The following SLC23A3 variants were observed in gnomAD, a reference collection of about 807,000 sequenced individuals.
SLC23A3 encodes solute carrier family 23 member 3.
SLC23A3 carries 41 observed loss-of-function variants against 64.7 expected under a neutral mutation model. The observed-to-expected ratio is 0.63, with a 90% CI of 0.49 to 0.82. The LOEUF (loss-of-function observed/expected upper bound fraction) is 0.82. SLC23A3 is among the 40% of genes least tolerant of loss of function. The pLI is 0.00. For missense variants in SLC23A3, 647 were observed against 733.4 expected (o/e 0.88, Z 1.36); for synonymous variants, 281 against 306.8 (o/e 0.92, Z 0.88).
chr2:219,165,470 T>C, intron 7 of SLC23A3, 48 bp from the exon 8 acceptor site: 1 of 1,521,652 alleles, frequency 6.6e-7, no homozygotes, highest in Non-Finnish European at 8.8e-7. Context: ...AAGTCAGGAG[T>C]ACCCCCTGCC....
chr2:219,168,996 C>T, intron 4 of SLC23A3, 33 bp downstream of exon 4: 11 of 1,602,684 alleles, frequency 6.9e-6, no homozygotes, highest in Non-Finnish European at 9.4e-6. Context: ...AGCCTGGCAC[C>T]ACCCTTATCC....
chr2:219,163,362 A>G (rs1369252419), intron 10 of SLC23A3, 26 bp downstream of exon 10: 5 of 1,608,120 alleles, frequency 3.1e-6, no homozygotes, highest in Non-Finnish European at 2.6e-6. Flanking sequence ...CCTGCTACTG[A>G]GCAACGCCTC....
chr2:219,165,104 A>G, intron 8 of SLC23A3, 65 bp downstream of exon 8: 1 of 1,524,276 alleles, frequency 6.6e-7, no homozygotes, highest in African/African-American at 1.4e-5. Flanking sequence ...AATCGGTGTA[A>G]GTTCCTGTCC....
At position 219,162,362 on chromosome 2, in the gene SLC23A3, G is replaced by A. The variant is rs1949955248; in HGVS notation, c.1474C>T (p.Leu492=). ...GCCAGGAAGATGGGCTGTGTCAGCA[G>A]TGAGTGCAGTAATACATCCAAGGGG... ...WSPLDVLLHS[L]LTQPIFLAGL... Residue 492 remains leucine (L), a synonymous_variant, in exon 11 of 12, where the codon CTG becomes TTG. Transcript: ENST00000409878. 1 of 1,613,960 alleles carries A rather than the reference G, an allele frequency of 6.2e-7. No homozygotes were observed. Among genetic ancestry groups the A allele is most frequent in the African/African-American group, 1.3e-5 (1 of 74,914 alleles).
rs1949950392 is a variant in SLC23A3, at chr2:219,162,117, T to G, written c.1625A>C (p.Lys542Thr). The G allele has an allele frequency of 6.2e-7, 1 of 1,614,174 alleles. No individual in the cohort carries two copies. The highest frequency in any genetic ancestry group is 1.1e-5 in the South Asian group (1 of 91,074). ...EARMPQKPRE[K>T]AAQVYRLPFP... is the part of the protein sequence containing the mutation. ...AGGAAGTCTGTACACTTGAGCAGCC[T>G]TCTCCCTGGGCTTCTGAGGCATTCG... Residue 542 changes from lysine (K) to threonine (T), a missense_variant, in exon 12 of 12, where the codon AAG becomes ACG. Coordinates refer to ENST00000409878, the MANE Select transcript of SLC23A3 (RefSeq NM_001144889.2).
At position 219,169,809 on chromosome 2, in the gene SLC23A3, C is replaced by T; in HGVS notation, c.162+14G>A. 6.2e-7 allele frequency: 1 copy of T among 1,613,832 alleles called. No homozygotes were observed. The highest frequency in any genetic ancestry group is 8.5e-7 in the Non-Finnish European group (1 of 1,179,910). On this transcript the variant is annotated intron_variant, in intron 1 of 11. Coordinates refer to ENST00000409878, the MANE Select transcript of SLC23A3 (RefSeq NM_001144889.2). This position sits in a 1 kb window ranked among gnomAD's most constrained non-coding sequence, Gnocchi z 4.5. ...CCATCAGGCAGCACCAACTCCTGCA[C>T]CTCTGCCTCCTACCTGCAGAGCCAG...
At chr2:219,168,573 G>A in intron 5 of SLC23A3, 79 bp downstream of exon 5, 1 of 1,393,088 alleles carries the variant, frequency 7.2e-7, no homozygotes, top group Non-Finnish European at 9.8e-7. Flanking sequence ...AATCTGATAG[G>A]ACCAGCAGTT....
chr2:219,169,432 T>C lies in SLC23A3; in HGVS notation c.321-26A>G, dbSNP rs1240415026. 6.2e-7 allele frequency: 1 copy of C among 1,613,990 alleles called. No homozygotes were observed. The highest frequency in any genetic ancestry group is 8.5e-7 in the Non-Finnish European group (1 of 1,179,942). ...CTGTAGGAACAGCAGCCCCAGCAGG[T>C]CTGGGACTATGTGGCAGCCAGCAAG... On this transcript the variant is annotated intron_variant, in intron 2 of 11. Transcript: ENST00000409878. The surrounding 1 kb of genome is among the most constrained non-coding windows in gnomAD (Gnocchi z 4.5).
chr2:219,168,172 G>T (rs975439163), intron 6 of SLC23A3, 23 bp downstream of exon 6: 1 of 1,612,452 alleles, frequency 6.2e-7, no homozygotes, highest in Non-Finnish European at 8.5e-7. Context: ...GACCTCTACT[G>T]CCCTGCCCAG....
intron 8 of SLC23A3, 39 bp from the exon 9 acceptor site, chr2:219,164,377 C>T (rs1949983788): frequency 1.5e-6 from 2 of 1,336,478 alleles, no homozygotes; most frequent in East Asian, 5.0e-5. Context: ...CAGCCACTTC[C>T]TCAGACTGTC....
At position 219,164,356 on chromosome 2, in the gene SLC23A3, A is replaced by C; in HGVS notation, c.1168-18T>G. ...GATCCAGCCTGCATGAAGAAAAGAC[A>C]CTGGAAAACACAGCCACTTCCTCAG... On this transcript the variant is annotated intron_variant, in intron 8 of 11. Coordinates refer to ENST00000409878, the MANE Select transcript of SLC23A3 (RefSeq NM_001144889.2). 6.6e-7 allele frequency: 1 copy of C among 1,516,320 alleles called. No individual in the cohort carries two copies. The highest frequency in any genetic ancestry group is 9.0e-7 in the Non-Finnish European group (1 of 1,109,456). 93.9% of individuals were successfully genotyped at this position (1,516,320 alleles called of 1,614,324 possible). A position where few individuals can be genotyped will look rare whatever the true frequency, so the allele number is the denominator to read the frequency against.
chr2:219,169,287 C>G lies in SLC23A3; in HGVS notation c.418+22G>C. The G allele has an allele frequency of 1.2e-6, 2 of 1,614,178 alleles. No individual in the cohort carries two copies. The highest frequency in any genetic ancestry group is 1.7e-6 in the Non-Finnish European group (2 of 1,180,032). On this transcript the variant is annotated intron_variant, in intron 3 of 11. Coordinates refer to ENST00000409878, the MANE Select transcript of SLC23A3 (RefSeq NM_001144889.2). The surrounding 1 kb of genome is among the most constrained non-coding windows in gnomAD (Gnocchi z 4.5). ...TGAGAACCCAGCCCCACCCTTACCCCTTGCCCTTGCTCTGTGCTCACAGTT... is the reference window on the plus strand; with the variant it reads ...TGAGAACCCAGCCCCACCCTTACCCGTTGCCCTTGCTCTGTGCTCACAGTT...
In SLC23A3 at chr2:219,161,647, G is replaced by T. The variant is rs6713887; in HGVS notation, c.*262C>A. 0.54 allele frequency: 185,995 copies of T among 346,364 alleles called. 54,450 individuals are homozygous for T. The highest frequency in any genetic ancestry group is 0.63 in the Non-Finnish European group (120,038 of 190,612). 21.5% of individuals were successfully genotyped at this position (346,364 alleles called of 1,614,324 possible). On this transcript the variant is annotated 3_prime_UTR_variant, in exon 12 of 12. Transcript: ENST00000409878. ...CTCAGTAAGTATTAAAGTGAATGCT[G>T]GGGTTCAAGTGGCATTGATAGTACA...
rs565268643 is a variant in SLC23A3 at position 219,161,588 on chromosome 2, C to T, written c.*321G>A. The T allele has an allele frequency of 3.9e-5, 9 of 233,030 alleles. No individual in the cohort carries two copies. The highest frequency in any genetic ancestry group is 1.8e-4 in the African/African-American group (8 of 44,638). 14.4% of individuals were successfully genotyped at this position (233,030 alleles called of 1,614,324 possible). ...TGAGACGGCATGGACCCTGTCTTATCCCTGTAGTTCCAGGACCTTGCACAT... is the reference window on the plus strand; with the variant it reads ...TGAGACGGCATGGACCCTGTCTTATTCCTGTAGTTCCAGGACCTTGCACAT... On this transcript the variant is annotated 3_prime_UTR_variant, in exon 12 of 12. Transcript: ENST00000409878.
intron 4 of SLC23A3, 45 bp downstream of exon 4, chr2:219,168,984 C>G (rs757989106): frequency 1.1e-5 from 18 of 1,591,554 alleles, no homozygotes; most frequent in African/African-American, 2.7e-5. Context: ...GAGCCCCCCC[C>G]AAGCCTGGCA....
At position 219,163,551 on chromosome 2, in the gene SLC23A3, C is replaced by A. The variant is rs746558581; in HGVS notation, c.1278G>T (p.Gly426=). 2 of 1,614,136 alleles carry A rather than the reference C, an allele frequency of 1.2e-6. No individual in the cohort carries two copies. Among genetic ancestry groups the A allele is most frequent in the South Asian group, 2.2e-5 (2 of 91,090 alleles). The change falls in exon 10 of 12, where the codon GGG becomes GGT. Residue 426 remains glycine (G), a synonymous_variant. Transcript: ENST00000409878. ...LTTIPLPVVG[G]VLGVTQAVVL... is the part of the protein sequence containing the mutation. ...CCACAGCCTGGGTCACCCCCAGCAC[C>A]CCACCTGTCTCATACAGAAGAAATC... is the stretch of plus-strand genomic sequence containing the variant.
chr2:219,161,802 T>TACAC lies in SLC23A3; in HGVS notation c.*103_*106dup. 3.9e-6 allele frequency: 5 copies of TACAC among 1,271,258 alleles called. No individual in the cohort carries two copies. The highest frequency in any genetic ancestry group is 5.4e-6 in the Non-Finnish European group (5 of 917,994). The allele number at this position is 1,271,258 out of a possible 1,614,324, so 78.7% of individuals were successfully genotyped here. ...GGAACCTCTAGACAGTCCCATGTAA[T>TACAC]ACACACACACATATCCTCTGCCTAC... is the stretch of plus-strand genomic sequence containing the variant. On this transcript the variant is annotated 3_prime_UTR_variant, in exon 12 of 12. Transcript: ENST00000409878.
rs200653340 is a variant in SLC23A3, at chr2:219,169,857, A to G, written c.128T>C (p.Leu43Pro). ...THSWDPLCGS[L>P]PWGLSCLLAL... ...CAGAAGACAGCTGAGGCCCCAAGGC[A>G]GAGATCCACACAAAGGGTCCCAAGA... Residue 43 changes from leucine (L) to proline (P), a missense_variant, in exon 1 of 12, where the codon CTG becomes CCG. Leu to Pro is a moderately conservative substitution (Grantham distance 98, BLOSUM62 -3). Transcript: ENST00000409878. The surrounding 1 kb of genome is among the most constrained non-coding windows in gnomAD (Gnocchi z 4.5). 89 of 1,604,720 alleles carry G rather than the reference A, an allele frequency of 5.5e-5. No homozygotes were observed. Among genetic ancestry groups the G allele is most frequent in the East Asian group, 1.1e-4 (5 of 43,576 alleles).
rs772298584 is a variant in SLC23A3 at position 219,165,398 on chromosome 2, G to A, written c.938C>T (p.Thr313Met). 1.5e-5 allele frequency: 24 copies of A among 1,550,670 alleles called. No homozygotes were observed. Among genetic ancestry groups the A allele is most frequent in the Non-Finnish European group, 1.8e-5 (21 of 1,146,660 alleles). ...HPGEWNWPLLTPRALAAGISM... is the reference protein window; with the variant it reads ...HPGEWNWPLLMPRALAAGISM... ...GATGCCTGCAGCCAGAGCTCTGGGC[G>A]TCAGCAAAGGCCAATTCCACTCACC... Residue 313 changes from threonine (T) to methionine (M), a missense_variant, in exon 8 of 12, where the codon ACG becomes ATG. Physicochemically the swap from Thr to Met is moderately conservative, Grantham distance 81. Coordinates refer to ENST00000409878, the MANE Select transcript of SLC23A3 (RefSeq NM_001144889.2).
Sources: allele counts gnomAD v4.1 joint callset, GRCh38; gene constraint gnomAD v4.1.1; non-coding constraint Gnocchi (gnomAD v3.1); transcripts MANE v1.5; gene names NCBI Gene and HGNC (gene_info 2026-07-23, HGNC 2026-07-21).